CHD7: variants seen among roughly 807,000 people sequenced by gnomAD.
The protein encoded by CHD7 is chromodomain helicase DNA binding protein 7.
Under a neutral mutation model 307.3 loss-of-function variants are expected in CHD7, and 24 were observed. The ratio of observed to expected loss-of-function variants is 0.08; its 90% confidence interval spans 0.06 to 0.11. The LOEUF (loss-of-function observed/expected upper bound fraction) is 0.11, where lower values mean the gene tolerates loss of function less well. Ranked by LOEUF, CHD7 falls within the 10% of genes least tolerant of loss-of-function variation. The probability of loss-of-function intolerance (pLI) is 1.00; values close to 1 mark genes in which losing one functional copy is unlikely to be tolerated. For missense variants in CHD7, 3,106 were observed against 3,727.1 expected, an observed-to-expected ratio of 0.83 and a Z score of 4.34; for synonymous variants, 1,363 against 1,349.9, an observed-to-expected ratio of 1.01 and a Z score of -0.21.
chr8:60,742,372 C>A lies in CHD7; in HGVS notation c.940C>A (p.Pro314Thr), dbSNP rs1809085067. The change falls in exon 2 of 38, where the codon CCT (proline) becomes ACT (threonine). Residue 314 changes from proline to threonine, a missense_variant. Coordinates refer to ENST00000423902, the MANE Select transcript of CHD7 (RefSeq NM_017780.4). ...CAACTCAGGGCAGTATTCTCGATAT[C>A]CTTACAGTAACCTAAATCAGGGATT... ...INNSGQYSRY[P>T]YSNLNQGLVN... The A allele has an allele frequency of 1.2e-6, 2 of 1,613,884 alleles. No homozygotes were observed. Among genetic ancestry groups the A allele is most frequent in the African/African-American group, 1.3e-5 (1 of 74,928 alleles).
At chr8:60,772,849 T>C (rs1273335743) in intron 2 of CHD7, among the ~76,000 whole-genome samples, 1 of 152,220 alleles carries the variant, frequency 6.6e-6, no homozygotes, top group African/African-American at 2.4e-5. Flanking sequence ...ATTTGCTGAT[T>C]TACTGCCATA....
chr8:60,828,956 C>T (rs72652506), intron 14 of CHD7, 150 bp downstream of exon 14: 2 of 690,304 alleles, frequency 2.9e-6, no homozygotes, highest in African/African-American at 1.8e-5. Context: ...TTGGACTTTC[C>T]AGGTCATCAT....
At chr8:60,811,371 G>T (rs1379179200) in intron 7 of CHD7, among the ~76,000 whole-genome samples, 1 of 151,898 alleles carries the variant, frequency 6.6e-6, no homozygotes, top group Non-Finnish European at 1.5e-5. Context: ...GTAATTTTTG[G>T]CATGAGCATG....
intron 2 of CHD7, among the ~76,000 whole-genome samples, chr8:60,775,969 A>C (rs1810932537): frequency 6.6e-6 from 1 of 152,198 alleles, no homozygotes; most frequent in South Asian, 2.1e-4. Flanking sequence ...TATGTTGGCC[A>C]GGCTGGTCTC....
intron 2 of CHD7, among the ~76,000 whole-genome samples, chr8:60,766,240 T>A (rs1001805979): frequency 1.3e-5 from 2 of 152,130 alleles, no homozygotes; most frequent in African/African-American, 4.8e-5. Flanking sequence ...GGTAGAAGGA[T>A]GTGTAGCTTG....
At chr8:60,734,322 C>A (rs142133863) in intron 1 of CHD7, among the ~76,000 whole-genome samples, 15 of 152,166 alleles carry the variant, frequency 9.9e-5, no homozygotes, top group African/African-American at 2.9e-4. Context: ...TGAGAGTCTG[C>A]GTCTCTTACC....
intron 1 of CHD7, among the ~76,000 whole-genome samples, chr8:60,700,823 GAC>G (rs1201912070): frequency 1.3e-5 from 2 of 152,178 alleles, no homozygotes; most frequent in African/African-American, 2.4e-5. Context: ...CCCAGTGCCG[GAC>G]ACACACACTG....
chr8:60,686,046 C>G (rs1176019250), intron 1 of CHD7, among the ~76,000 whole-genome samples: 1 of 152,132 alleles, frequency 6.6e-6, no homozygotes, highest in African/African-American at 2.4e-5. Context: ...TTCAAAGATA[C>G]TTTTATTGTC....
At chr8:60,701,205 CTG>C (rs1360970516) in intron 1 of CHD7, among the ~76,000 whole-genome samples, 1 of 152,180 alleles carries the variant, frequency 6.6e-6, no homozygotes, top group Non-Finnish European at 1.5e-5. Flanking sequence ...CAAGAGAGAG[CTG>C]TGTGTAAAAT....
At chr8:60,813,225 A>G (rs900089136) in intron 7 of CHD7, among the ~76,000 whole-genome samples, 7 of 152,140 alleles carry the variant, frequency 4.6e-5, no homozygotes, top group Non-Finnish European at 1.0e-4. Context: ...AATGAAGACA[A>G]TATGTTGGCT....
At chr8:60,723,378 C>T (rs1386179633) in intron 1 of CHD7, among the ~76,000 whole-genome samples, 2 of 152,086 alleles carry the variant, frequency 1.3e-5, no homozygotes, top group African/African-American at 4.8e-5. Context: ...CTAGGTAAAA[C>T]TGGTGGTCTT....
At chr8:60,731,304 T>G (rs188903706) in intron 1 of CHD7, among the ~76,000 whole-genome samples, 17 of 152,346 alleles carry the variant, frequency 1.1e-4, no homozygotes, top group Non-Finnish European at 1.8e-4. Flanking sequence ...TTCTATCAGT[T>G]AAATTGTGGG....
intron 1 of CHD7, among the ~76,000 whole-genome samples, chr8:60,681,412 C>A (rs941425965): frequency 4.6e-5 from 7 of 152,110 alleles, no homozygotes; most frequent in African/African-American, 1.7e-4. Flanking sequence ...CATTCATTGA[C>A]AATGATAATA....
At chr8:60,814,631 G>A (rs1365305020) in intron 7 of CHD7, among the ~76,000 whole-genome samples, 1 of 152,174 alleles carries the variant, frequency 6.6e-6, no homozygotes, top group East Asian at 1.9e-4. Context: ...ATTTTTAATA[G>A]AGTTGGGTTT....
intron 4 of CHD7, among the ~76,000 whole-genome samples, chr8:60,799,057 G>A (rs1186350075): frequency 6.6e-6 from 1 of 152,034 alleles, no homozygotes; most frequent in East Asian, 1.9e-4. Flanking sequence ...TCATCTTTTA[G>A]CAAATACTCA....
intron 32 of CHD7, chr8:60,855,225 A>G (rs1805647640): frequency 6.6e-6 from 1 of 152,186 alleles, no homozygotes. Context: ...AATTTTGACC[A>G]AAGAATGTAC....
At chr8:60,833,588 C>T (rs571417645) in intron 15 of CHD7, among the ~76,000 whole-genome samples, 3 of 152,244 alleles carry the variant, frequency 2.0e-5, no homozygotes, top group African/African-American at 7.2e-5. Context: ...GAGGACATTG[C>T]AGTTACTGTC....
intron 4 of CHD7, among the ~76,000 whole-genome samples, chr8:60,796,799 G>A (rs1812059090): frequency 6.6e-6 from 1 of 152,182 alleles, no homozygotes; most frequent in Admixed American, 6.5e-5. Flanking sequence ...GACACAGGAA[G>A]TGATGCTGAC....
intron 2 of CHD7, among the ~76,000 whole-genome samples, chr8:60,759,436 G>A (rs1471798987): frequency 2.8e-5 from 3 of 105,346 alleles, no homozygotes; most frequent in African/African-American, 7.4e-5. Context: ...CCTCTCTCCC[G>A]CTCTCTGTCT....
Sources: gnomAD v4.1 joint callset for allele counts (sites outside exome capture counted in the v4.1 genomes callset) on GRCh38, gnomAD v4.1.1 for gene constraint, MANE v1.5 for transcripts, NCBI Gene and HGNC (gene_info 2026-07-23, HGNC 2026-07-21) for gene names.